WDR35: variants seen among roughly 807,000 people sequenced by gnomAD.
WDR35 encodes WD repeat domain 35.
In WDR35, 118 loss-of-function variants were observed where a neutral mutation model predicts 158.3. That is an observed-to-expected ratio of 0.75 (90% confidence interval 0.64 to 0.87). The LOEUF is 0.87. Among genes scored for constraint, WDR35 ranks in the 40% least tolerant of loss-of-function variants. The pLI, the probability that WDR35 is intolerant of heterozygous loss-of-function variation, is 0.00. For missense variants in WDR35, 1,263 were observed against 1,405.8 expected, an observed-to-expected ratio of 0.90 and a Z score of 1.62; for synonymous variants, 448 against 476.1, an observed-to-expected ratio of 0.94 and a Z score of 0.77.
intron 6 of WDR35, among the ~76,000 whole-genome samples, 177 bp from the exon 7 acceptor site, chr2:19,974,810 A>G (rs1474809418): frequency 1.3e-5 from 2 of 152,180 alleles, no homozygotes; most frequent in African/African-American, 2.4e-5. Flanking sequence ...CTAAATGTCC[A>G]TTTTCCCCAC....
In WDR35 at chr2:19,941,973, T is replaced by C. The variant is rs1173406957; in HGVS notation, c.1846-134A>G. The C allele has an allele frequency of 2.3e-5, 14 of 618,842 alleles. No individual in the cohort carries two copies. The Middle Eastern group carries it at 1.9e-3, about 82-fold the overall frequency. 38.3% of individuals were successfully genotyped at this position (618,842 alleles called of 1,614,324 possible). ...AATGTCATTAACACCCATATACCCA[T>C]AACCTAAATAATTAGCATTATGGTA... On this transcript the variant is annotated intron_variant, in intron 16 of 26. Transcript: ENST00000281405.
In WDR35 at chr2:19,946,442, G is replaced by C; in HGVS notation, c.1634+19C>G. On this transcript the variant is annotated intron_variant, in intron 15 of 26. Coordinates refer to ENST00000281405, the MANE Select transcript of WDR35 (RefSeq NM_020779.4). ...ATTTCTAAGTCTAACATCTACATGAGCAGAGTTTTCAGGCTTACCTAGAGT... is the reference window on the plus strand; with the variant it reads ...ATTTCTAAGTCTAACATCTACATGACCAGAGTTTTCAGGCTTACCTAGAGT... The C allele has an allele frequency of 6.3e-7, 1 of 1,585,876 alleles. No individual in the cohort carries two copies. Among genetic ancestry groups the C allele is most frequent in the Non-Finnish European group, 8.7e-7 (1 of 1,154,762 alleles).
Position 19,914,059 on chromosome 2 carries a change from C to A in WDR35, c.3340G>T (p.Glu1114Ter). Residue 1114 changes from glutamate to a stop codon, truncating the protein, a stop_gained, in exon 26 of 27, where the codon GAA becomes TAA. Coordinates refer to ENST00000281405, the MANE Select transcript of WDR35 (RefSeq NM_020779.4). LOFTEE classifies it high-confidence loss of function. ...TACCCTTCCATAAGGCTGTCCAATT[C>A]AGGTTTTCTGTTATCTTTTGAAGTA... Reference protein sequence around the residue: ...KHTSKDNRKPELDSLMEGGEG... With the variant: ...KHTSKDNRKP 6.2e-7 allele frequency: 1 copy of A among 1,614,094 alleles called. No homozygotes were observed. The highest frequency in any genetic ancestry group is 8.5e-7 in the Non-Finnish European group (1 of 1,179,984).
At chr2:19,932,156 C>A in intron 23 of WDR35, 127 bp downstream of exon 23, 1 of 1,204,380 alleles carries the variant, frequency 8.3e-7, no homozygotes, top group Non-Finnish European at 1.2e-6. Context: ...TATACAGAAG[C>A]AATAAAACCA....
chr2:19,964,755 T>A (rs1227633837), intron 10 of WDR35, among the ~76,000 whole-genome samples: 1 of 152,154 alleles, frequency 6.6e-6, no homozygotes, highest in Non-Finnish European at 1.5e-5. Flanking sequence ...TCCTTTTGCT[T>A]CACTTTACAA....
Position 19,914,088 on chromosome 2 carries a change from T to G in WDR35, c.3311A>C (p.Lys1104Thr), listed in dbSNP as rs1471337115. 7.4e-6 allele frequency: 12 copies of G among 1,614,066 alleles called. No individual in the cohort carries two copies. The African/African-American group carries it at 1.6e-4, about 22-fold the overall frequency. The change falls in exon 26 of 27, where the codon AAA becomes ACA. Residue 1104 changes from lysine (K) to threonine (T), a missense_variant. Physicochemically the swap from Lys to Thr is moderately conservative, Grantham distance 78. Transcript: ENST00000281405. ...TTTTCTGTTATCTTTTGAAGTATGT[T>G]TGGTGAAGATTTCTAAAGCAAGGTC... The part of the protein sequence containing the change: ...YEDLALEIFT[K>T]HTSKDNRKPE...
intron 2 of WDR35, among the ~76,000 whole-genome samples, chr2:19,983,257 T>C (rs1480924950): frequency 6.6e-6 from 1 of 152,090 alleles, no homozygotes; most frequent in East Asian, 1.9e-4. Context: ...AAGGGGAGTA[T>C]TCCAGGCTAG....
At chr2:19,945,689 A>G (rs1261090200) in intron 16 of WDR35, 97 bp downstream of exon 16, 4 of 1,358,532 alleles carry the variant, frequency 2.9e-6, no homozygotes, top group East Asian at 2.3e-5. Context: ...TGGCACTGCT[A>G]TTCAACAAAC....
intron 1 of WDR35, 64 bp downstream of exon 1, chr2:19,989,928 C>A: frequency 6.2e-7 from 1 of 1,606,062 alleles, no homozygotes; most frequent in Non-Finnish European, 8.5e-7. Context: ...CTCGGGAAGG[C>A]AGCGGGAATC....
intron 5 of WDR35, among the ~76,000 whole-genome samples, chr2:19,978,005 C>T (rs1672264330): frequency 1.3e-5 from 2 of 152,166 alleles, no homozygotes; most frequent in Non-Finnish European, 2.9e-5. Context: ...TTAGGTGGCA[C>T]TTCTACATGC....
At chr2:19,939,681 T>C (rs1457541640) in intron 17 of WDR35, among the ~76,000 whole-genome samples, 1 of 152,232 alleles carries the variant, frequency 6.6e-6, no homozygotes, top group Non-Finnish European at 1.5e-5. Flanking sequence ...GACTAAAATA[T>C]CTGAGTTGTG....
intron 25 of WDR35, among the ~76,000 whole-genome samples, chr2:19,922,115 TTGG>T (rs1317277331): frequency 6.6e-6 from 1 of 152,172 alleles, no homozygotes; most frequent in African/African-American, 2.4e-5. Context: ...TTTTACACTG[TTGG>T]TGGGAGTGTA....
At chr2:19,985,187 C>A (rs1672514497) in intron 2 of WDR35, among the ~76,000 whole-genome samples, 1 of 152,136 alleles carries the variant, frequency 6.6e-6, no homozygotes, top group Non-Finnish European at 1.5e-5. Flanking sequence ...GCTTCCAGGG[C>A]TCTCTATTTC....
At chr2:19,917,955 T>C (rs946706582) in intron 25 of WDR35, among the ~76,000 whole-genome samples, 2 of 147,394 alleles carry the variant, frequency 1.4e-5, no homozygotes, top group Admixed American at 6.7e-5. Context: ...TTCACCAAGG[T>C]TGAAATGAAG....
Position 19,946,456 on chromosome 2 carries a change from C to G in WDR35, c.1634+5G>C, listed in dbSNP as rs746171096. On this transcript the variant is annotated splice_donor_5th_base_variant and intron_variant, in intron 15 of 26. Coordinates refer to ENST00000281405, the MANE Select transcript of WDR35 (RefSeq NM_020779.4). ...CATCTACATGAGCAGAGTTTTCAGG[C>G]TTACCTAGAGTTGCAATTCAAGGAT... 1 of 1,610,980 alleles carries G rather than the reference C, an allele frequency of 6.2e-7. No homozygotes were observed. Among genetic ancestry groups the G allele is most frequent in the South Asian group, 1.1e-5 (1 of 91,010 alleles).
At chr2:19,918,115 A>G (rs1014700323) in intron 25 of WDR35, among the ~76,000 whole-genome samples, 2 of 152,250 alleles carry the variant, frequency 1.3e-5, no homozygotes, top group Non-Finnish European at 2.9e-5. Flanking sequence ...AGAATTTTCA[A>G]CCCAGAATTT....
Position 19,966,921 on chromosome 2 carries a change from G to T in WDR35, c.1009-12C>A. On this transcript the variant is annotated splice_polypyrimidine_tract_variant and intron_variant, in intron 9 of 26. Transcript: ENST00000281405. ...GAGCAATAACCCCACTAGGAAGAAA[G>T]GAAGGAGGAAAGGGAAGGAGATTGA... 1 of 1,612,838 alleles carries T rather than the reference G, an allele frequency of 6.2e-7. No individual in the cohort carries two copies.
chr2:19,957,012 T>C (rs186897544), intron 11 of WDR35, among the ~76,000 whole-genome samples: 331 of 152,308 alleles, frequency 2.2e-3, no homozygotes, highest in African/African-American at 7.3e-3. Context: ...ACAACTTCCC[T>C]ATAAGGTAGG....
rs761800141 is a variant in WDR35, at chr2:19,974,464, T to G, written c.736+4A>C. ...AAAATTTTTTAAACAGAAAAATTCC[T>G]TACTTTGGTCATTCTCATGTCTCAT... On this transcript the variant is annotated splice_donor_region_variant and intron_variant, in intron 7 of 26. Transcript: ENST00000281405. The G allele has an allele frequency of 1.3e-6, 2 of 1,591,980 alleles. No homozygotes were observed. The highest frequency in any genetic ancestry group is 3.5e-5 in the Admixed American group (2 of 56,866).
Sources: gnomAD v4.1 joint callset for allele counts (sites outside exome capture counted in the v4.1 genomes callset) on GRCh38, gnomAD v4.1.1 for gene constraint, MANE v1.5 for transcripts, NCBI Gene and HGNC (gene_info 2026-07-23, HGNC 2026-07-21) for gene names.